CELF6: variants seen among roughly 807,000 people sequenced by gnomAD.
CELF6 encodes CUGBP Elav-like family member 6.
A neutral mutation model predicts 53.1 loss-of-function variants in CELF6; 32 were observed. The ratio of observed to expected loss-of-function variants is 0.60; its 90% confidence interval spans 0.46 to 0.81. The LOEUF (loss-of-function observed/expected upper bound fraction) is 0.81, where lower values mean the gene tolerates loss of function less well. Ranked by LOEUF, CELF6 falls within the 30% of genes least tolerant of loss-of-function variation. The probability of loss-of-function intolerance (pLI) is 0.00; values close to 1 mark genes in which losing one functional copy is unlikely to be tolerated. For synonymous variants in CELF6, 291 were observed against 288.8 expected (o/e 1.01, Z -0.08); for missense variants, 539 against 669.5 (o/e 0.81, Z 2.15).
intron 3 of CELF6, among the ~76,000 whole-genome samples, chr15:72,291,628 G>T (rs140169732): frequency 6.6e-6 from 1 of 152,308 alleles, no homozygotes; most frequent in Non-Finnish European, 1.5e-5. Flanking sequence ...AAAACTGAAC[G>T]AAGTTAGCAG....
intron 3 of CELF6, among the ~76,000 whole-genome samples, chr15:72,302,591 C>G (rs1159769039): frequency 1.3e-5 from 2 of 152,204 alleles, no homozygotes; most frequent in Non-Finnish European, 1.5e-5. Flanking sequence ...ACACATCAAC[C>G]AGGCCAAGCA....
At chr15:72,314,252 T>C (rs767001554) in intron 2 of CELF6, among the ~76,000 whole-genome samples, 7 of 152,236 alleles carry the variant, frequency 4.6e-5, no homozygotes, top group Non-Finnish European at 7.3e-5. Context: ...GACTTCTTTA[T>C]ACTGAGCTGA....
chr15:72,294,531 T>C (rs909556088), intron 3 of CELF6, among the ~76,000 whole-genome samples: 6 of 152,196 alleles, frequency 3.9e-5, no homozygotes, highest in Non-Finnish European at 4.4e-5. Context: ...CCTGGCCAGA[T>C]GTGACAGGCA....
chr15:72,289,611 G>A lies in CELF6; in HGVS notation c.747+16C>T. On this transcript the variant is annotated intron_variant, in intron 6 of 12. Transcript: ENST00000287202. This position sits in a 1 kb window ranked among gnomAD's most constrained non-coding sequence, Gnocchi z 7.6. The stretch of plus-strand genomic sequence containing the variant: ...ACCCACCTGCGCGCCCTCGCACGCA[G>A]GTGCCCGGTACCTACCGCCGTGGTG... 2 of 1,492,106 alleles carry A rather than the reference G, an allele frequency of 1.3e-6. No individual in the cohort carries two copies. The highest frequency in any genetic ancestry group is 2.9e-5 in the African/African-American group (2 of 69,488). The allele number at this position is 1,492,106 out of a possible 1,614,324, so 92.4% of individuals were successfully genotyped here.
At chr15:72,295,953 A>G (rs2088072637) in intron 3 of CELF6, among the ~76,000 whole-genome samples, 1 of 152,194 alleles carries the variant, frequency 6.6e-6, no homozygotes, top group Non-Finnish European at 1.5e-5. Flanking sequence ...AATCTTGAAG[A>G]AGAAGAAGAA....
At chr15:72,317,093 G>T (rs1449579218) in intron 1 of CELF6, among the ~76,000 whole-genome samples, 2 of 152,304 alleles carry the variant, frequency 1.3e-5, no homozygotes, top group Middle Eastern at 3.4e-3. Flanking sequence ...GCTGGAGGCT[G>T]GTGTATGGGG....
At chr15:72,308,690 T>C (rs2088261108) in intron 2 of CELF6, among the ~76,000 whole-genome samples, 1 of 152,170 alleles carries the variant, frequency 6.6e-6, no homozygotes, top group South Asian at 2.1e-4. Context: ...TTAAATGTTT[T>C]TTTTTAAACA....
chr15:72,288,642 C>T lies in CELF6; in HGVS notation c.1094-24G>A. ...TGCTGGAGACAGAGGTGGGAGTGGA[C>T]AGTGATCCCCAGGAGCCCTTCCCCA... On this transcript the variant is annotated intron_variant, in intron 9 of 12. Transcript: ENST00000287202. This position sits in a 1 kb window ranked among gnomAD's most constrained non-coding sequence, Gnocchi z 4.6. 1.3e-6 allele frequency: 2 copies of T among 1,549,130 alleles called. No individual in the cohort carries two copies. The highest frequency in any genetic ancestry group is 1.7e-6 in the Non-Finnish European group (2 of 1,146,514).
intron 3 of CELF6, among the ~76,000 whole-genome samples, chr15:72,298,014 G>A (rs2088101749): frequency 6.6e-6 from 1 of 152,182 alleles, no homozygotes; most frequent in South Asian, 2.1e-4. Flanking sequence ...ATCTTAGTTG[G>A]AAAATACTTT....
rs1421314776 is a variant in CELF6 at position 72,288,742 on chromosome 15, C to A, written c.1094-124G>T. 1 of 1,354,478 alleles carries A rather than the reference C, an allele frequency of 7.4e-7. No homozygotes were observed. The highest frequency in any genetic ancestry group is 1.0e-6 in the Non-Finnish European group (1 of 965,848). The allele number at this position is 1,354,478 out of a possible 1,614,324, so 83.9% of individuals were successfully genotyped here. On this transcript the variant is annotated intron_variant, in intron 9 of 12. Coordinates refer to ENST00000287202, the MANE Select transcript of CELF6 (RefSeq NM_052840.5). The surrounding 1 kb of genome is among the most constrained non-coding windows in gnomAD (Gnocchi z 4.6). The stretch of plus-strand genomic sequence containing the variant: ...CCATAACCCTCACCCCAAGAGAGGT[C>A]GTTCTGGGGGTAGGAGGGGATGGGA...
At chr15:72,292,305 A>C in intron 3 of CELF6, 4 of 1,410,384 alleles carry the variant, frequency 2.8e-6, no homozygotes, top group Non-Finnish European at 3.8e-6. Flanking sequence ...TCTCTCAACC[A>C]ATCTGATGGC....
chr15:72,299,951 A>G (rs1440679031), intron 3 of CELF6, among the ~76,000 whole-genome samples: 1 of 152,234 alleles, frequency 6.6e-6, no homozygotes, highest in East Asian at 1.9e-4. Flanking sequence ...GGAGATGGCC[A>G]TGACAGAAAA....
intron 1 of CELF6, among the ~76,000 whole-genome samples, chr15:72,318,992 G>C (rs997675230): frequency 6.6e-6 from 1 of 152,182 alleles, no homozygotes; most frequent in Non-Finnish European, 1.5e-5. Flanking sequence ...TTGAACATGA[G>C]GGGGTGTCTG....
intron 2 of CELF6, among the ~76,000 whole-genome samples, chr15:72,315,145 C>T (rs1177159783): frequency 6.6e-6 from 1 of 152,224 alleles, no homozygotes; most frequent in Non-Finnish European, 1.5e-5. Context: ...TCTAGACACA[C>T]CGCTTCTTGG....
intron 2 of CELF6, among the ~76,000 whole-genome samples, chr15:72,305,218 G>T (rs2088210972): frequency 6.6e-6 from 1 of 152,224 alleles, no homozygotes; most frequent in African/African-American, 2.4e-5. Context: ...GTGTCATTTA[G>T]ATGAGAGTCT....
chr15:72,302,727 C>A (rs2088175018), intron 3 of CELF6, among the ~76,000 whole-genome samples: 1 of 152,218 alleles, frequency 6.6e-6, no homozygotes, highest in South Asian at 2.1e-4. Context: ...CTCCAAATTG[C>A]ACCACGTTCT....
intron 3 of CELF6, among the ~76,000 whole-genome samples, chr15:72,300,971 T>A (rs190159850): frequency 2.4e-4 from 36 of 152,082 alleles, no homozygotes; most frequent in African/African-American, 8.5e-4. Flanking sequence ...GTTGCCAACA[T>A]TTAATACAGC....
intron 2 of CELF6, among the ~76,000 whole-genome samples, chr15:72,307,454 T>C (rs1297759821): frequency 6.6e-6 from 1 of 152,162 alleles, no homozygotes; most frequent in Non-Finnish European, 1.5e-5. Context: ...GGGAAGATAA[T>C]GTTACCATTT....
At chr15:72,291,399 G>A (rs565202566) in intron 3 of CELF6, among the ~76,000 whole-genome samples, 1 of 152,316 alleles carries the variant, frequency 6.6e-6, no homozygotes, top group Non-Finnish European at 1.5e-5. Flanking sequence ...CCATGTAGGG[G>A]ACAATACAAG....
Sources: allele counts gnomAD v4.1 joint callset (sites outside exome capture counted in the v4.1 genomes callset), GRCh38; gene constraint gnomAD v4.1.1; non-coding constraint Gnocchi (gnomAD v3.1); transcripts MANE v1.5; gene names NCBI Gene and HGNC (gene_info 2026-07-23, HGNC 2026-07-21).